Variants in DNAJA3 observed in about 807,000 individuals in gnomAD.
DNAJA3 encodes DnaJ heat shock protein family (Hsp40) member A3.
A neutral mutation model predicts 54.9 loss-of-function variants in DNAJA3; 29 were observed. The ratio of observed to expected loss-of-function variants is 0.53; its 90% CI spans 0.39 to 0.72. The LOEUF is 0.72. Ranked by LOEUF, DNAJA3 falls within the 30% of genes least tolerant of loss-of-function variation. The probability of loss-of-function intolerance (pLI) is 0.00; values close to 1 mark genes in which losing one functional copy is unlikely to be tolerated. For synonymous variants in DNAJA3, 302 were observed against 251.4 expected, an observed-to-expected ratio of 1.20 and a Z score of -1.90; for missense variants, 708 against 639.4, an observed-to-expected ratio of 1.11 and a Z score of -1.16.
intron 2 of DNAJA3, among the ~76,000 whole-genome samples, chr16:4,434,933 A>G (rs1340750200): frequency 7.8e-4 from 93 of 118,826 alleles, no homozygotes; most frequent in African/African-American, 3.1e-3. Flanking sequence ...GTCTCACTCC[A>G]TTGCTGAGGC....
At position 4,425,874 on chromosome 16, in the gene DNAJA3, G is replaced by C. The variant is rs1418877449; in HGVS notation, c.-8G>C. The C allele has an allele frequency of 3.9e-6, 6 of 1,522,082 alleles. No individual in the cohort carries two copies. Among genetic ancestry groups the C allele is most frequent in the South Asian group, 2.4e-5 (2 of 82,592 alleles). The allele number at this position is 1,522,082 out of a possible 1,614,324, so 94.3% of individuals were successfully genotyped here. On this transcript the variant is annotated 5_prime_UTR_variant, in exon 1 of 12. Transcript: ENST00000262375. ...CGGGCGGCGCAGGCGCAGAGTCCCC[G>C]GGCCAAGATGGCTGCGCGGTGCTCC... is the stretch of plus-strand genomic sequence containing the variant.
chr16:4,440,715 A>T (rs1406961002), intron 3 of DNAJA3: 1 of 152,510 alleles, frequency 6.6e-6, no homozygotes, highest in Non-Finnish European at 1.5e-5. Flanking sequence ...TCATGCCTGT[A>T]ATCCCAGTAT....
At chr16:4,452,544 A>C (rs957303111) in intron 10 of DNAJA3, among the ~76,000 whole-genome samples, 2 of 151,794 alleles carry the variant, frequency 1.3e-5, no homozygotes, top group Non-Finnish European at 2.9e-5. Flanking sequence ...ACTCAGCCTC[A>C]CTCAGCTGTT....
chr16:4,442,839 A>G, intron 5 of DNAJA3, 178 bp from the exon 6 acceptor site: 1 of 656,536 alleles, frequency 1.5e-6, no homozygotes, highest in Non-Finnish European at 2.6e-6. Flanking sequence ...TGTGTGTTCT[A>G]GAAAATCAGA....
intron 2 of DNAJA3, among the ~76,000 whole-genome samples, chr16:4,436,039 G>C (rs1297598950): frequency 1.3e-5 from 2 of 152,148 alleles, no homozygotes; most frequent in African/African-American, 4.8e-5. Context: ...ATGCTATCTC[G>C]TTAGAGTTTC....
Position 4,441,533 on chromosome 16 carries a change from T to A in DNAJA3, c.588T>A (p.Ser196=). ...AGATCTTTGGCGAGTTCTCATCCTC[T>A]TCATTTGGAGATTTCCAGACCGTGT... ...FRKIFGEFSS[S]SFGDFQTVFD... The change falls in exon 4 of 12, where the codon TCT becomes TCA. Residue 196 remains serine (S), a synonymous_variant. Coordinates refer to ENST00000262375, the MANE Select transcript of DNAJA3 (RefSeq NM_005147.6). 2 of 1,614,186 alleles carry A rather than the reference T, an allele frequency of 1.2e-6. No individual in the cohort carries two copies. The highest frequency in any genetic ancestry group is 1.7e-6 in the Non-Finnish European group (2 of 1,180,038).
At chr16:4,438,151 C>G (rs1055424250) in intron 3 of DNAJA3, among the ~76,000 whole-genome samples, 3 of 151,834 alleles carry the variant, frequency 2.0e-5, no homozygotes, top group African/African-American at 7.3e-5. Context: ...CCCGTCTCTA[C>G]TAAAAATAAA....
At chr16:4,431,549 C>T (rs887612846) in intron 1 of DNAJA3, 3 of 151,922 alleles carry the variant, frequency 2.0e-5, no homozygotes, top group South Asian at 2.1e-4. Flanking sequence ...TGATTAACTT[C>T]GAGTAGTCTC....
At chr16:4,434,323 TCA>T in intron 1 of DNAJA3, 59 bp from the exon 2 acceptor site, 4 of 1,581,030 alleles carry the variant, frequency 2.5e-6, no homozygotes, top group Non-Finnish European at 1.7e-6. Context: ...GGTCATGTAC[TCA>T]CAGTTTTCTT....
rs1486792499 is a variant in DNAJA3, at chr16:4,455,534, T to C, written c.*14-12T>C. The stretch of plus-strand genomic sequence containing the variant: ...GTTGAGTATAAGGTAACAGCCTATC[T>C]CTTTGGCTCAGGAAAAAGATCCACT... On this transcript the variant is annotated splice_polypyrimidine_tract_variant and intron_variant, in intron 11 of 11. Transcript: ENST00000262375. 6.4e-7 allele frequency: 1 copy of C among 1,551,618 alleles called. No individual in the cohort carries two copies. Among genetic ancestry groups the C allele is most frequent in the Non-Finnish European group, 8.7e-7 (1 of 1,146,980 alleles).
intron 8 of DNAJA3, among the ~76,000 whole-genome samples, chr16:4,448,307 G>A (rs1461085014): frequency 1.3e-5 from 2 of 151,240 alleles, no homozygotes; most frequent in Admixed American, 6.6e-5. Context: ...TTACAGGCAT[G>A]AGCCACTGCG....
chr16:4,434,623 T>C, intron 2 of DNAJA3, 106 bp downstream of exon 2: 3 of 1,320,038 alleles, frequency 2.3e-6, no homozygotes, highest in Non-Finnish European at 3.1e-6. Flanking sequence ...ATAGGTCTCA[T>C]GAGCTGATAG....
chr16:4,450,634 G>A, intron 10 of DNAJA3, 137 bp downstream of exon 10: 1 of 664,960 alleles, frequency 1.5e-6, no homozygotes, highest in Admixed American at 3.1e-5. Flanking sequence ...TGAAAGAGGG[G>A]GGCTGTGGGC....
chr16:4,455,208 C>T (rs1009828018), intron 11 of DNAJA3, among the ~76,000 whole-genome samples: 15 of 152,128 alleles, frequency 9.9e-5, no homozygotes, highest in African/African-American at 3.1e-4. Context: ...GTTGTACAGC[C>T]CCCCTGCAGT....
chr16:4,450,408 C>T lies in DNAJA3; in HGVS notation c.1250C>T (p.Thr417Met). 1.9e-6 allele frequency: 3 copies of T among 1,606,294 alleles called. No individual in the cohort carries two copies. Among genetic ancestry groups the T allele is most frequent in the South Asian group, 1.1e-5 (1 of 89,676 alleles). ...HIKIRVPKRL[T>M]SRQQSLILSY... Reference sequence around the variant, plus strand: ...CTCTGCTCGGTCCACAGGAGGCTAACGAGCCGGCAGCAGAGCCTGATCCTG... The same window carrying T: ...CTCTGCTCGGTCCACAGGAGGCTAATGAGCCGGCAGCAGAGCCTGATCCTG... Residue 417 changes from threonine to methionine, a missense_variant, in exon 10 of 12, where the codon ACG (threonine) becomes ATG (methionine). Thr to Met is a moderately conservative substitution (Grantham distance 81). Transcript: ENST00000262375.
intron 8 of DNAJA3, chr16:4,447,344 AG>A: frequency 3.9e-6 from 1 of 257,876 alleles, no homozygotes; most frequent in Admixed American, 5.1e-5. Context: ...TCTGGCTCCA[AG>A]AGCAGAAGAC....
chr16:4,443,129 A>C lies in DNAJA3; in HGVS notation c.896A>C (p.Lys299Thr). 1.2e-6 allele frequency: 2 copies of C among 1,614,022 alleles called. No individual in the cohort carries two copies. The highest frequency in any genetic ancestry group is 1.7e-6 in the Non-Finnish European group (2 of 1,180,004). ...GTCTGCAGGGGAGCAGGACAAGCCA[A>C]GCAGAAAAAGCGAGTGATGATCCCT... The part of the protein sequence containing the change: ...CVVCRGAGQA[K>T]QKKRVMIPVP... Residue 299 changes from lysine (K) to threonine (T), a missense_variant, in exon 6 of 12, where the codon AAG becomes ACG. Transcript: ENST00000262375.
chr16:4,450,605 A>G (rs2056966540), intron 10 of DNAJA3, 108 bp downstream of exon 10: 2 of 835,944 alleles, frequency 2.4e-6, no homozygotes, highest in Admixed American at 3.0e-5. Flanking sequence ...TTCTTCATGA[A>G]GCCTTTAAAA....
At chr16:4,441,132 C>T (rs548908821) in intron 3 of DNAJA3, 44 of 546,788 alleles carry the variant, frequency 8.0e-5, no homozygotes, top group Middle Eastern at 4.7e-4. Context: ...TCCCAGCATG[C>T]GCGACGGCGG....
Sources: allele counts gnomAD v4.1 joint callset (sites outside exome capture counted in the v4.1 genomes callset), GRCh38; gene constraint gnomAD v4.1.1; transcripts MANE v1.5; gene names NCBI Gene and HGNC (gene_info 2026-07-23, HGNC 2026-07-21).